The following ABCA4 variants were observed in gnomAD, a reference collection of about 807,000 sequenced individuals.
The protein encoded by ABCA4 is retinal-specific phospholipid-transporting ATPase ABCA4.
A neutral mutation model predicts 263.7 loss-of-function variants in ABCA4; 196 were observed. The ratio of observed to expected loss-of-function variants is 0.74; its 90% CI spans 0.66 to 0.84. The LOEUF (loss-of-function observed/expected upper bound fraction) is 0.84, where lower values mean the gene tolerates loss of function less well. Among genes scored for constraint, ABCA4 ranks in the 40% least tolerant of loss-of-function variants. The pLI is 0.00. For missense variants in ABCA4, 2,792 were observed against 2,855.1 expected (o/e 0.98, Z 0.50); for synonymous variants, 1,133 against 1,094.2 (o/e 1.04, Z -0.70).
intron 44 of ABCA4, among the ~76,000 whole-genome samples, chr1:94,002,365 C>T (rs1190582670): frequency 6.6e-6 from 1 of 152,218 alleles, no homozygotes. Context: ...GTTGATCCCA[C>T]CCGTCAAGAG....
intron 9 of ABCA4, among the ~76,000 whole-genome samples, chr1:94,079,059 C>G: frequency 6.6e-6 from 1 of 152,274 alleles, no homozygotes. Context: ...ATTGTGAACC[C>G]TTCCATTAGG....
chr1:94,050,484 T>C (rs1660805569), intron 17 of ABCA4, among the ~76,000 whole-genome samples: 1 of 152,194 alleles, frequency 6.6e-6, no homozygotes, highest in African/African-American at 2.4e-5. Flanking sequence ...GTCCAGCCTA[T>C]GAGACAGGTG....
intron 17 of ABCA4, among the ~76,000 whole-genome samples, chr1:94,050,890 A>C (rs912154670): frequency 1.3e-5 from 2 of 152,278 alleles, no homozygotes; most frequent in Non-Finnish European, 2.9e-5. Flanking sequence ...AAGAATAGGT[A>C]GGTGAGCAAC....
rs1659815087 is a variant in ABCA4 at position 94,018,941 on chromosome 1, C to T, written c.5196+641G>A. On this transcript the variant is annotated intron_variant, in intron 36 of 49. Transcript: ENST00000370225. ...TAAGTGAAGGTCTTATTATTTTGGC[C>T]ACTGGCTGGGGTTGCCAGATTTGGC... Among the ~76,000 whole-genome samples, 6 of 147,024 alleles carry T rather than the reference C, an allele frequency of 4.1e-5. No individual in the cohort carries two copies. In the Admixed American group the frequency reaches 4.2e-4, roughly 10 times the overall value.
chr1:94,037,565 C>A (rs995465286), intron 24 of ABCA4, among the ~76,000 whole-genome samples: 1 of 152,070 alleles, frequency 6.6e-6, no homozygotes, highest in Non-Finnish European at 1.5e-5. Flanking sequence ...GAAACGGAAG[C>A]AAAGTCCTCC....
Position 94,025,065 on chromosome 1 carries a change from C to A in ABCA4, c.4540-17G>T. The A allele has an allele frequency of 2.5e-6, 4 of 1,607,490 alleles. No individual in the cohort carries two copies. The highest frequency in any genetic ancestry group is 3.4e-6 in the Non-Finnish European group (4 of 1,173,970). ...CTGTGTTCTCTGAGGCAATGAGACA[C>A]CCACGTTAATTACCTTGGAACTTGA... On this transcript the variant is annotated splice_polypyrimidine_tract_variant and intron_variant, in intron 30 of 49. Transcript: ENST00000370225.
intron 24 of ABCA4, among the ~76,000 whole-genome samples, chr1:94,039,601 G>A (rs1660432057): frequency 6.6e-6 from 1 of 152,178 alleles, no homozygotes; most frequent in Non-Finnish European, 1.5e-5. Context: ...TATAACAGGG[G>A]TGTATGCTAT....
chr1:94,102,608 G>A (rs964295608), intron 5 of ABCA4, among the ~76,000 whole-genome samples: 1 of 152,104 alleles, frequency 6.6e-6, no homozygotes, highest in Non-Finnish European at 1.5e-5. Flanking sequence ...ATCGCCTGTG[G>A]CCCCACTGGA....
At chr1:94,055,931 C>A in intron 15 of ABCA4, among the ~76,000 whole-genome samples, 1 of 152,216 alleles carries the variant, frequency 6.6e-6, no homozygotes, top group East Asian at 1.9e-4. Context: ...ACAAGGGGAA[C>A]TGCACCCTCC....
In ABCA4 at chr1:94,008,289, T is replaced by C. The variant is rs2275029; in HGVS notation, c.5844A>G (p.Pro1948=). The C allele has an allele frequency of 0.18, 290,706 of 1,611,868 alleles. 27,055 individuals are homozygous for C. The highest frequency in any genetic ancestry group is 0.24 in the African/African-American group (18,115 of 74,902). ...TGTCCACTGCTGGGCTGGAGGTGCC[T>C]GGATAAATCTGCAAGATACGAAGAA... ...LRLHELTKIY[P]GTSSPAVDRL... is the part of the protein sequence containing the mutation. The change falls in exon 42 of 50, where the codon CCA becomes CCG. Residue 1948 remains proline (P), a synonymous_variant. Coordinates refer to ENST00000370225, the MANE Select transcript of ABCA4 (RefSeq NM_000350.3).
chr1:94,029,006 C>A (rs772855554), intron 30 of ABCA4, among the ~76,000 whole-genome samples: 1 of 150,474 alleles, frequency 6.6e-6, no homozygotes, highest in African/African-American at 2.5e-5. Context: ...GATGCATGTT[C>A]CTAGTAAATT....
Position 94,047,047 on chromosome 1 carries a change from G to A in ABCA4, c.2790C>T (p.Cys930=), listed in dbSNP as rs756961160. ...CAAAAATCTTTACCAGATTCTTCAC[G>A]CATACCCCAGGAACCCACCCTGGAT... ...REHPGWVPGV[C]VKNLVKIFEP... Residue 930 remains cysteine, a synonymous_variant, in exon 19 of 50, where the codon TGC becomes TGT. Coordinates refer to ENST00000370225, the MANE Select transcript of ABCA4 (RefSeq NM_000350.3). 5.0e-6 allele frequency: 8 copies of A among 1,614,070 alleles called. No homozygotes were observed. Among genetic ancestry groups the A allele is most frequent in the Middle Eastern group, 1.6e-4 (1 of 6,062 alleles).
intron 3 of ABCA4, among the ~76,000 whole-genome samples, chr1:94,110,586 G>A (rs1475391041): frequency 6.6e-6 from 1 of 152,220 alleles, no homozygotes; most frequent in Non-Finnish European, 1.5e-5. Flanking sequence ...AGCACAGTGG[G>A]TGAGGGATGG....
At chr1:94,079,180 G>C in intron 9 of ABCA4, 142 bp downstream of exon 9, 1 of 1,224,300 alleles carries the variant, frequency 8.2e-7, no homozygotes, top group Non-Finnish European at 1.2e-6. Context: ...TGTGGATGGG[G>C]GAGGAAACGC....
intron 1 of ABCA4, among the ~76,000 whole-genome samples, chr1:94,120,251 T>C (rs2101188995): frequency 6.6e-6 from 1 of 152,308 alleles, no homozygotes; most frequent in East Asian, 1.9e-4. Flanking sequence ...ACTTTGGGTT[T>C]TCCCAGGCAG....
chr1:94,000,608 A>G (rs1460829761), intron 47 of ABCA4, among the ~76,000 whole-genome samples: 1 of 152,138 alleles, frequency 6.6e-6, no homozygotes, highest in East Asian at 1.9e-4. Flanking sequence ...TGCCCCATCC[A>G]GAGACTTGGG....
chr1:94,113,396 T>C (rs1662666098), intron 1 of ABCA4, among the ~76,000 whole-genome samples: 1 of 152,220 alleles, frequency 6.6e-6, no homozygotes, highest in African/African-American at 2.4e-5. Context: ...AATGCAGATT[T>C]GGGTTCAGTA....
At chr1:94,113,125 G>C (rs1006710711) in intron 1 of ABCA4, 59 bp from the exon 2 acceptor site, 3 of 1,532,570 alleles carry the variant, frequency 2.0e-6, no homozygotes, top group East Asian at 4.5e-5. Context: ...TATAGAAAAC[G>C]TAACCAGAGC....
intron 6 of ABCA4, among the ~76,000 whole-genome samples, chr1:94,093,913 A>G (rs1662045181): frequency 6.6e-6 from 1 of 152,218 alleles, no homozygotes; most frequent in African/African-American, 2.4e-5. Flanking sequence ...TGTGGCTTGA[A>G]TATTTTCATA....
Sources: gnomAD v4.1 joint callset for allele counts (sites outside exome capture counted in the v4.1 genomes callset) on GRCh38, gnomAD v4.1.1 for gene constraint, MANE v1.5 for transcripts, NCBI Gene and HGNC (gene_info 2026-07-23, HGNC 2026-07-21) for gene names.